Variants in DNM2 observed in about 807,000 individuals in gnomAD.
DNM2 encodes dynamin 2, also known as dynamin-2.
DNM2 carries 15 observed loss-of-function variants against 99.0 expected under a neutral mutation model. The ratio of observed to expected loss-of-function variants is 0.15; its 90% CI spans 0.10 to 0.23. The LOEUF (loss-of-function observed/expected upper bound fraction) is 0.23. Among genes scored for constraint, DNM2 ranks in the 10% least tolerant of loss-of-function variants. DNM2 has a pLI of 1.00. For missense variants in DNM2, 742 were observed against 1,189.4 expected, an observed-to-expected ratio of 0.62 and a Z score of 5.53; for synonymous variants, 525 against 481.2, an observed-to-expected ratio of 1.09 and a Z score of -1.19.
At position 10,831,053 on chromosome 19, in the gene DNM2, G is replaced by C; in HGVS notation, c.*6G>C. On this transcript the variant is annotated 3_prime_UTR_variant, in exon 21 of 21. Coordinates refer to ENST00000389253, the MANE Select transcript of DNM2 (RefSeq NM_001005361.3). This position sits in a 1 kb window ranked among gnomAD's most constrained non-coding sequence, Gnocchi z 4.3. ...AGCCATCCCTGCTCGACTAGGCCTC[G>C]AGGGGGGCGTGCTCTCGGGGGGGCC... The C allele has an allele frequency of 6.3e-7, 1 of 1,599,942 alleles. No homozygotes were observed. Among genetic ancestry groups the C allele is most frequent in the East Asian group, 2.3e-5 (1 of 44,374 alleles).
intron 5 of DNM2, among the ~76,000 whole-genome samples, chr19:10,782,648 G>A (rs973780828): frequency 6.6e-6 from 1 of 152,124 alleles, no homozygotes; most frequent in African/African-American, 2.4e-5. Context: ...GTGAGCCACC[G>A]CTCCCGGCCG....
At chr19:10,825,703 A>G (rs1303227535) in intron 18 of DNM2, among the ~76,000 whole-genome samples, 5 of 151,230 alleles carry the variant, frequency 3.3e-5, no homozygotes, top group African/African-American at 1.2e-4. Context: ...AAAAATACAA[A>G]AAGTAGCCGG....
At chr19:10,741,710 C>T (rs141611067) in intron 1 of DNM2, among the ~76,000 whole-genome samples, 4,085 of 152,074 alleles carry the variant, frequency 0.027, 78 homozygotes, top group Non-Finnish European at 0.044. Context: ...CCACCATGCC[C>T]GGCTAATTTT....
intron 1 of DNM2, among the ~76,000 whole-genome samples, chr19:10,756,019 C>G (rs1283410402): frequency 6.6e-6 from 1 of 152,164 alleles, no homozygotes; most frequent in Non-Finnish European, 1.5e-5. Context: ...CCTCAGGTCC[C>G]TACCTGTGAG....
intron 1 of DNM2, among the ~76,000 whole-genome samples, chr19:10,753,361 C>A (rs1019013153): frequency 6.6e-6 from 1 of 151,664 alleles, no homozygotes; most frequent in Non-Finnish European, 1.5e-5. Flanking sequence ...AAAGTACAGA[C>A]TTTCTTCTGT....
chr19:10,786,653 G>A lies in DNM2; in HGVS notation c.939G>A (p.Glu313=). 6.2e-7 allele frequency: 1 copy of A among 1,614,114 alleles called. No individual in the cohort carries two copies. Among genetic ancestry groups the A allele is most frequent in the Non-Finnish European group, 8.5e-7 (1 of 1,180,020 alleles). The change falls in exon 7 of 21, where the codon GAG becomes GAA. Residue 313 remains glutamate, a synonymous_variant. Transcript: ENST00000389253. The part of the protein sequence containing the change: ...QLLSLEKEVE[E]YKNFRPDDPT... ...TGTCCCTGGAGAAGGAGGTGGAGGAGTACAAGAACTTTCGGCCCGACGACC... is the reference window on the plus strand; with the variant it reads ...TGTCCCTGGAGAAGGAGGTGGAGGAATACAAGAACTTTCGGCCCGACGACC...
chr19:10,786,171 G>A (rs1432368502), intron 6 of DNM2, among the ~76,000 whole-genome samples: 1 of 152,210 alleles, frequency 6.6e-6, no homozygotes, highest in East Asian at 1.9e-4. Context: ...CTCATCTTGA[G>A]TGCATTCTCC....
At chr19:10,827,783 C>T (rs1255673323) in intron 18 of DNM2, among the ~76,000 whole-genome samples, 1 of 151,444 alleles carries the variant, frequency 6.6e-6, no homozygotes, top group African/African-American at 2.4e-5. Flanking sequence ...GCAGGAGAAT[C>T]ACTTGAACCT....
intron 1 of DNM2, among the ~76,000 whole-genome samples, chr19:10,734,591 A>G (rs2069452923): frequency 7.6e-6 from 1 of 131,548 alleles, no homozygotes; most frequent in Non-Finnish European, 1.6e-5. Flanking sequence ...GTGAGTGATG[A>G]TTGCACCATT....
At chr19:10,807,878 C>G (rs952896677) in intron 13 of DNM2, among the ~76,000 whole-genome samples, 2 of 151,128 alleles carry the variant, frequency 1.3e-5, no homozygotes, top group Non-Finnish European at 2.9e-5. Flanking sequence ...CACGGTGGCT[C>G]ACACCTGTAG....
chr19:10,787,824 G>C (rs1485035425), intron 7 of DNM2, among the ~76,000 whole-genome samples: 6 of 152,076 alleles, frequency 3.9e-5, no homozygotes, highest in Admixed American at 1.3e-4. Context: ...AGCTACTTGG[G>C]AGACTGAGGC....
At chr19:10,759,259 G>T (rs757544672) in intron 1 of DNM2, among the ~76,000 whole-genome samples, 31 of 152,126 alleles carry the variant, frequency 2.0e-4, no homozygotes, top group Non-Finnish European at 4.1e-4. Flanking sequence ...TCCATTGGCA[G>T]TCACCCCCGT....
intron 11 of DNM2, among the ~76,000 whole-genome samples, chr19:10,801,817 A>C (rs1325213792): frequency 1.3e-5 from 2 of 149,076 alleles, no homozygotes; most frequent in Non-Finnish European, 3.0e-5. Context: ...AGGCAGGAGA[A>C]TCGCTTGAAC....
At chr19:10,802,423 G>T (rs2146062102) in intron 12 of DNM2, 65 bp downstream of exon 12, 1 of 1,565,280 alleles carries the variant, frequency 6.4e-7, no homozygotes, top group Non-Finnish European at 8.8e-7. Context: ...CCAAGGAGGT[G>T]ACTGAGTTGG....
At chr19:10,735,383 A>G (rs2069485915) in intron 1 of DNM2, among the ~76,000 whole-genome samples, 1 of 152,194 alleles carries the variant, frequency 6.6e-6, no homozygotes, top group African/African-American at 2.4e-5. Context: ...AACAAGACTG[A>G]TAAATTATTG....
chr19:10,823,507 T>G (rs1382560393), intron 16 of DNM2: 6 of 429,108 alleles, frequency 1.4e-5, no homozygotes, highest in Non-Finnish European at 2.6e-5. Context: ...CCAGCCACAG[T>G]TGGTGTCGAG....
At chr19:10,829,334 C>T (rs1402128503) in intron 19 of DNM2, 66 bp downstream of exon 19, 9 of 1,566,424 alleles carry the variant, frequency 5.7e-6, no homozygotes, top group Non-Finnish European at 8.7e-7. Context: ...CCCTGTGTGT[C>T]CTGCAGGGTC....
At chr19:10,738,870 C>CAA (rs1007919897) in intron 1 of DNM2, among the ~76,000 whole-genome samples, 7 of 66,578 alleles carry the variant, frequency 1.1e-4, no homozygotes, top group African/African-American at 1.8e-4. Flanking sequence ...AACTCCATCG[C>CAA]AAAAAAAAAA....
Position 10,816,424 on chromosome 19 carries a change from G to C in DNM2, c.1672-3556G>C, listed in dbSNP as rs3786719. 0.36 allele frequency among the ~76,000 whole-genome samples: 54,363 copies of C among 151,788 alleles called. 9,903 individuals are homozygous for C. Among genetic ancestry groups the C allele is most frequent in the East Asian group, 0.57 (2,941 of 5,146 alleles). ...AAGCATTTCTGGGGTCCCTGTGGAAGCTTCCAGAACCTCAGATCCAGCGAA... is the reference window on the plus strand; with the variant it reads ...AAGCATTTCTGGGGTCCCTGTGGAACCTTCCAGAACCTCAGATCCAGCGAA... On this transcript the variant is annotated intron_variant, in intron 15 of 20. Coordinates refer to ENST00000389253, the MANE Select transcript of DNM2 (RefSeq NM_001005361.3). The surrounding 1 kb of genome is among the most constrained non-coding windows in gnomAD (Gnocchi z 4.6).
Sources: allele counts gnomAD v4.1 joint callset (sites outside exome capture counted in the v4.1 genomes callset), GRCh38; gene constraint gnomAD v4.1.1; non-coding constraint Gnocchi (gnomAD v3.1); transcripts MANE v1.5; gene names NCBI Gene and HGNC (gene_info 2026-07-23, HGNC 2026-07-21).